The following NGF variants were observed in gnomAD, a reference collection of about 807,000 sequenced individuals.
The protein encoded by NGF is beta-nerve growth factor.
In NGF, 4 loss-of-function variants were observed where a neutral mutation model predicts 12.8. That is an observed-to-expected ratio of 0.31 (90% CI 0.15 to 0.72). The LOEUF (loss-of-function observed/expected upper bound fraction) is 0.72, where lower values mean the gene tolerates loss of function less well. NGF is among the 30% of genes least tolerant of loss of function. The pLI is 0.69. For missense variants in NGF, 283 were observed against 330.8 expected (o/e 0.86, Z 1.12); for synonymous variants, 140 against 130.0 (o/e 1.08, Z -0.52).
At chr1:115,303,755 G>C (rs1654115142) in intron 1 of NGF, among the ~76,000 whole-genome samples, 1 of 152,062 alleles carries the variant, frequency 6.6e-6, no homozygotes, top group Non-Finnish European at 1.5e-5. Flanking sequence ...AAGAACTTTG[G>C]AGTCATGGAA....
chr1:115,315,800 T>A (rs1654463695), intron 1 of NGF, among the ~76,000 whole-genome samples: 1 of 152,160 alleles, frequency 6.6e-6, no homozygotes, highest in Non-Finnish European at 1.5e-5. Flanking sequence ...TGAGGTTCAT[T>A]ACGTGATTCG....
chr1:115,293,466 TA>T (rs1488501028), intron 2 of NGF, among the ~76,000 whole-genome samples, 160 bp downstream of exon 2: 1 of 152,210 alleles, frequency 6.6e-6, no homozygotes, highest in African/African-American at 2.4e-5. Flanking sequence ...CTGAGTGGGC[TA>T]GGGGAGCTGC....
At position 115,286,435 on chromosome 1, in the gene NGF, G is replaced by A. The variant is rs1272434944; in HGVS notation, c.361C>T (p.Arg121Trp). 4.3e-6 allele frequency: 7 copies of A among 1,613,610 alleles called. No homozygotes were observed. Among genetic ancestry groups the A allele is most frequent in the Non-Finnish European group, 5.9e-6 (7 of 1,179,888 alleles). ...APFNRTHRSK[R>W]SSSHPIFHRG... is the part of the protein sequence containing the mutation. ...TGGAAGATGGGATGGGATGATGACC[G>A]CTTGCTCCTGTGAGTCCTGTTGAAG... Residue 121 changes from arginine (R) to tryptophan (W), a missense_variant, in exon 3 of 3, where the codon CGG becomes TGG. Physicochemically the swap from Arg to Trp is moderately radical, Grantham distance 101. Transcript: ENST00000369512.
chr1:115,292,572 A>C (rs1653735811), intron 2 of NGF, among the ~76,000 whole-genome samples: 1 of 152,204 alleles, frequency 6.6e-6, no homozygotes, highest in African/African-American at 2.4e-5. Context: ...GGAGAGGCTA[A>C]GTGACTTGGG....
rs546619812 is a variant in NGF at position 115,300,783 on chromosome 1, T to C, written c.-136-7033A>G. Among the ~76,000 whole-genome samples, 33 of 152,348 alleles carry C rather than the reference T, an allele frequency of 2.2e-4. No homozygotes were observed. In the South Asian group the frequency reaches 6.6e-3, roughly 31 times the overall value. On this transcript the variant is annotated intron_variant, in intron 1 of 2. Transcript: ENST00000369512. ...GAAGAGCTGGAAATGAAGAATTTAC[T>C]TCCATGAGTGTGTTTGTCAGGGGGC...
intron 1 of NGF, among the ~76,000 whole-genome samples, chr1:115,312,288 A>G (rs1230854466): frequency 6.6e-6 from 1 of 152,206 alleles, no homozygotes; most frequent in Non-Finnish European, 1.5e-5. Context: ...CAAAACTGAA[A>G]AGGACTCAAG....
rs112385233 is a variant in NGF at position 115,309,647 on chromosome 1, C to T, written c.-136-15897G>A. Among the ~76,000 whole-genome samples, 1,164 of 152,180 alleles carry T rather than the reference C, an allele frequency of 7.6e-3. 15 individuals carry two copies. The highest frequency in any genetic ancestry group is 0.027 in the African/African-American group (1,112 of 41,532). On this transcript the variant is annotated intron_variant, in intron 1 of 2. Transcript: ENST00000369512. ...GTGTCCATGTGTCCTCCTTGTTCAA[C>T]TCCCACTTATGAGTGAGAACATCAA...
At position 115,327,994 on chromosome 1, in the gene NGF, C is replaced by T. The variant is rs138775283; in HGVS notation, c.-137+10210G>A. On this transcript the variant is annotated intron_variant, in intron 1 of 2. Coordinates refer to ENST00000369512, the MANE Select transcript of NGF (RefSeq NM_002506.3). ...ATCCCTAGAAGCAGGTCTCTTTTCT[C>T]GCCTTCTGTCCCACTACCTTGCAAC... Among the ~76,000 whole-genome samples, 284 of 152,332 alleles carry T rather than the reference C, an allele frequency of 1.9e-3. 4 individuals are homozygous for T. Among genetic ancestry groups the T allele is most frequent in the Non-Finnish European group, 1.5e-3 (102 of 68,028 alleles).
At chr1:115,305,408 C>T (rs922949397) in intron 1 of NGF, among the ~76,000 whole-genome samples, 17 of 152,150 alleles carry the variant, frequency 1.1e-4, no homozygotes, top group Admixed American at 4.6e-4. Flanking sequence ...CTTTTTAACC[C>T]TACTCTGCAC....
At chr1:115,293,947 C>T (rs918985982) in intron 1 of NGF, among the ~76,000 whole-genome samples, 197 bp from the exon 2 acceptor site, 1 of 152,232 alleles carries the variant, frequency 6.6e-6, no homozygotes, top group Non-Finnish European at 1.5e-5. Context: ...CCTGTGGTGG[C>T]ACCTGCCTCT....
intron 1 of NGF, among the ~76,000 whole-genome samples, chr1:115,298,752 TATTTGGTA>T (rs1172199328): frequency 6.6e-6 from 1 of 152,004 alleles, no homozygotes; most frequent in Non-Finnish European, 1.5e-5. Flanking sequence ...GCCAACCCAC[TATTTGGTA>T]ATAGCCAAAT....
At chr1:115,314,281 T>G (rs565870268) in intron 1 of NGF, among the ~76,000 whole-genome samples, 1 of 152,284 alleles carries the variant, frequency 6.6e-6, no homozygotes, top group Admixed American at 6.5e-5. Context: ...CCCCAGAGCT[T>G]GGCTTTGCAT....
intron 1 of NGF, among the ~76,000 whole-genome samples, chr1:115,334,515 C>T (rs1464368259): frequency 2.0e-5 from 3 of 152,162 alleles, no homozygotes; most frequent in Admixed American, 1.3e-4. Context: ...GGTGGGACTA[C>T]AGCACTGAGG....
At chr1:115,296,748 TATAG>T (rs1653882768) in intron 1 of NGF, among the ~76,000 whole-genome samples, 2 of 152,268 alleles carry the variant, frequency 1.3e-5, no homozygotes, top group Admixed American at 1.3e-4. Context: ...AAATGATTTT[TATAG>T]ATATTGTTGT....
intron 2 of NGF, among the ~76,000 whole-genome samples, chr1:115,288,030 C>A (rs1250868799): frequency 6.6e-6 from 1 of 152,214 alleles, no homozygotes; most frequent in Non-Finnish European, 1.5e-5. Context: ...GCTCTACAAA[C>A]TTCCAATTCT....
intron 1 of NGF, among the ~76,000 whole-genome samples, chr1:115,307,755 T>C (rs143279126): frequency 2.0e-5 from 3 of 152,370 alleles, no homozygotes; most frequent in East Asian, 3.9e-4. Context: ...AACCCAGTGA[T>C]AACATTGCCT....
At chr1:115,304,742 T>C (rs1654149104) in intron 1 of NGF, among the ~76,000 whole-genome samples, 1 of 152,024 alleles carries the variant, frequency 6.6e-6, no homozygotes, top group Admixed American at 6.5e-5. Flanking sequence ...GACTCCCACT[T>C]GTAAGAGAGG....
At chr1:115,299,474 C>T (rs1487303311) in intron 1 of NGF, among the ~76,000 whole-genome samples, 2 of 152,126 alleles carry the variant, frequency 1.3e-5, no homozygotes, top group East Asian at 3.9e-4. Flanking sequence ...GCATGTTCAC[C>T]TGACTGGAGG....
chr1:115,312,758 C>T (rs531817126), intron 1 of NGF, among the ~76,000 whole-genome samples: 7 of 152,196 alleles, frequency 4.6e-5, no homozygotes, highest in Admixed American at 1.3e-4. Flanking sequence ...CTTGAAGTCA[C>T]AGAAATGTTT....
Sources: allele counts gnomAD v4.1 joint callset (sites outside exome capture counted in the v4.1 genomes callset), GRCh38; gene constraint gnomAD v4.1.1; transcripts MANE v1.5; gene names NCBI Gene and HGNC (gene_info 2026-07-23, HGNC 2026-07-21).